Variants in CAMK4 observed in about 807,000 individuals in gnomAD.
CAMK4 encodes the protein calcium/calmodulin dependent protein kinase IV.
CAMK4 carries 22 observed loss-of-function variants against 44.9 expected under a neutral mutation model. That is an observed-to-expected ratio of 0.49 (90% CI 0.35 to 0.70). The LOEUF (loss-of-function observed/expected upper bound fraction) is 0.70. Ranked by LOEUF, CAMK4 falls within the 30% of genes least tolerant of loss-of-function variation. The pLI, the probability that CAMK4 is intolerant of heterozygous loss-of-function variation, is 0.01. For synonymous variants in CAMK4, 218 were observed against 215.4 expected, an observed-to-expected ratio of 1.01 and a Z score of -0.11; for missense variants, 498 against 586.8, an observed-to-expected ratio of 0.85 and a Z score of 1.56.
At position 111,311,094 on chromosome 5, in the gene CAMK4, T is replaced by C. The variant is rs930378025; in HGVS notation, c.162-32930T>C. ...AATCTGGTTGTCATCAACCTTTTTA[T>C]AGTGAGAGCATTACCTGGGTGAAGG... On this transcript the variant is annotated intron_variant, in intron 1 of 10. Transcript: ENST00000282356. Among the ~76,000 whole-genome samples the C allele has an allele frequency of 4.6e-5, 7 of 152,214 alleles. No individual in the cohort carries two copies. The East Asian group carries it at 1.3e-3, about 29-fold the overall frequency.
intron 5 of CAMK4, among the ~76,000 whole-genome samples, chr5:111,430,911 CA>C (rs1248248546): frequency 6.6e-6 from 1 of 151,988 alleles, no homozygotes; most frequent in Non-Finnish European, 1.5e-5. Flanking sequence ...CAATCACTAT[CA>C]AAATACAAAT....
chr5:111,475,517 T>C (rs1243993675), intron 8 of CAMK4, among the ~76,000 whole-genome samples: 3 of 152,250 alleles, frequency 2.0e-5, no homozygotes, highest in Non-Finnish European at 2.9e-5. Context: ...AAGATAGTTC[T>C]AAAAATCTGT....
rs184731961 is a variant in CAMK4, at chr5:111,483,535, C to T, written c.982-491C>T. ...TAGGGTCCTATGCAGCCATTGCTTA[C>T]GGTCTGATACAGACTAAATAAATCT... On this transcript the variant is annotated intron_variant, in intron 10 of 10. Transcript: ENST00000282356. Among the ~76,000 whole-genome samples, 32 of 152,224 alleles carry T rather than the reference C, an allele frequency of 2.1e-4. 2 individuals carry two copies. In the South Asian group the frequency reaches 5.0e-3, roughly 24 times the overall value.
intron 2 of CAMK4, among the ~76,000 whole-genome samples, chr5:111,371,050 A>G (rs916633727): frequency 2.0e-5 from 3 of 152,170 alleles, no homozygotes; most frequent in African/African-American, 4.8e-5. Context: ...GTCATTTGGT[A>G]TAAGTGTTTG....
intron 1 of CAMK4, among the ~76,000 whole-genome samples, chr5:111,282,394 C>A (rs1307889459): frequency 6.6e-6 from 1 of 151,732 alleles, no homozygotes; most frequent in Non-Finnish European, 1.5e-5. Context: ...GTATATATTG[C>A]TCTTGGCCAA....
chr5:111,467,777 T>A (rs1754895655), intron 7 of CAMK4, among the ~76,000 whole-genome samples: 1 of 152,150 alleles, frequency 6.6e-6, no homozygotes, highest in Non-Finnish European at 1.5e-5. Flanking sequence ...GTACAACCAC[T>A]ATGGAAAACA....
At chr5:111,276,570 T>C (rs1362095201) in intron 1 of CAMK4, among the ~76,000 whole-genome samples, 2 of 152,180 alleles carry the variant, frequency 1.3e-5, no homozygotes, top group Admixed American at 1.3e-4. Context: ...TGTAAAAATA[T>C]GTATTTATAT....
chr5:111,484,812 C>T lies in CAMK4; in HGVS notation c.*346C>T, dbSNP rs1755558289. On this transcript the variant is annotated 3_prime_UTR_variant, in exon 11 of 11. Transcript: ENST00000282356. The surrounding 1 kb of genome is among the most constrained non-coding windows in gnomAD (Gnocchi z 5.3). ...TTTGAAAATCTAGCCATCCTACATC[C>T]TTTGGATTTCTTCACAAGGCAGTAA... 1 of 172,762 alleles carries T rather than the reference C, an allele frequency of 5.8e-6. No individual in the cohort carries two copies. The highest frequency in any genetic ancestry group is 6.3e-5 in the Admixed American group (1 of 15,824). The allele number at this position is 172,762 out of a possible 1,614,324, so 10.7% of individuals were successfully genotyped here. A position where few individuals can be genotyped will look rare whatever the true frequency, so the allele number is the denominator to read the frequency against.
intron 4 of CAMK4, among the ~76,000 whole-genome samples, chr5:111,393,192 T>C (rs566262940): frequency 1.6e-4 from 24 of 152,320 alleles, no homozygotes; most frequent in African/African-American, 5.3e-4. Flanking sequence ...GATGTAGGCA[T>C]TGATAATCAA....
chr5:111,345,932 G>A (rs1377640441), intron 2 of CAMK4, among the ~76,000 whole-genome samples: 1 of 151,976 alleles, frequency 6.6e-6, no homozygotes, highest in African/African-American at 2.4e-5. Context: ...CTGTAAGGCA[G>A]ATGTTGTCAA....
At chr5:111,325,671 T>TCCTC (rs571692730) in intron 1 of CAMK4, among the ~76,000 whole-genome samples, 33 of 152,300 alleles carry the variant, frequency 2.2e-4, no homozygotes, top group African/African-American at 7.7e-4. Context: ...GCCACATAAA[T>TCCTC]GTCTTCTTTT....
rs140958825 is a variant in CAMK4, at chr5:111,346,822, A to AAAACAAACAAACAAACAAAC, written c.240+2724_240+2743dup. ...ACTTGAGTCAGCTCACCCAGTGTGC[A>AAAACAAACAAACAAACAAAC]AAACAAACAAACAAACAAACAAAAA... is the stretch of plus-strand genomic sequence containing the variant. On this transcript the variant is annotated intron_variant, in intron 2 of 10. Transcript: ENST00000282356. Among the ~76,000 whole-genome samples the AAAACAAACAAACAAACAAAC allele has an allele frequency of 4.0e-3, 468 of 116,670 alleles. 2 individuals are homozygous for AAAACAAACAAACAAACAAAC. Among genetic ancestry groups the AAAACAAACAAACAAACAAAC allele is most frequent in the East Asian group, 0.023 (90 of 3,832 alleles). The allele number at this position is 116,670 out of a possible 152,430, so 76.5% of individuals were successfully genotyped here. A position where few individuals can be genotyped will look rare whatever the true frequency, so the allele number is the denominator to read the frequency against.
intron 1 of CAMK4, among the ~76,000 whole-genome samples, chr5:111,321,400 T>A (rs1160168894): frequency 6.6e-6 from 1 of 151,606 alleles, no homozygotes; most frequent in Non-Finnish European, 1.5e-5. Context: ...CACATCTGTT[T>A]GCTAAATAAG....
At position 111,484,001 on chromosome 5, in the gene CAMK4, T is replaced by C; in HGVS notation, c.982-25T>C. On this transcript the variant is annotated intron_variant, in intron 10 of 10. Coordinates refer to ENST00000282356, the MANE Select transcript of CAMK4 (RefSeq NM_001744.6). This position sits in a 1 kb window ranked among gnomAD's most constrained non-coding sequence, Gnocchi z 5.3. ...TGGGGTGTTAAAGCAGAGGTAACAC[T>C]TGACACTCTTCTGTTTCCAATCAGG... 1 of 1,527,556 alleles carries C rather than the reference T, an allele frequency of 6.5e-7. No individual in the cohort carries two copies. The highest frequency in any genetic ancestry group is 2.0e-4 in the Middle Eastern group (1 of 4,938). The allele number at this position is 1,527,556 out of a possible 1,614,324, so 94.6% of individuals were successfully genotyped here.
chr5:111,230,691 T>C (rs1037882202), intron 1 of CAMK4, among the ~76,000 whole-genome samples: 2 of 152,122 alleles, frequency 1.3e-5, no homozygotes, highest in African/African-American at 2.4e-5. Flanking sequence ...CACTTTACCC[T>C]CAGACATATA....
At chr5:111,459,722 C>T (rs762811928) in intron 7 of CAMK4, among the ~76,000 whole-genome samples, 56 of 122,014 alleles carry the variant, frequency 4.6e-4, no homozygotes, top group Non-Finnish European at 7.9e-4. Context: ...TGAGACGGAG[C>T]CTCGCTGTGT....
chr5:111,477,186 C>T (rs1286248694), intron 8 of CAMK4, among the ~76,000 whole-genome samples: 1 of 152,118 alleles, frequency 6.6e-6, no homozygotes, highest in Non-Finnish European at 1.5e-5. Flanking sequence ...GCAGACTGCT[C>T]AGTAGGGAAA....
At chr5:111,443,254 A>G (rs1262398163) in intron 5 of CAMK4, among the ~76,000 whole-genome samples, 1 of 36,292 alleles carries the variant, frequency 2.8e-5, no homozygotes, top group African/African-American at 1.2e-4. Context: ...ATATATATAT[A>G]TATATATATA....
rs1441638456 is a variant in CAMK4, at chr5:111,224,425, CT to C, written c.-57del. Reference sequence around the variant, plus strand: ...TTCGCAGGCGGCGGCTGGCGGCCGGCTTCTCGCTCGGGCAGCGGCGGCGGCG... The same window carrying C: ...TTCGCAGGCGGCGGCTGGCGGCCGGCTCTCGCTCGGGCAGCGGCGGCGGCG... On this transcript the variant is annotated 5_prime_UTR_variant, in exon 1 of 11. Transcript: ENST00000282356. The surrounding 1 kb of genome is among the most constrained non-coding windows in gnomAD (Gnocchi z 5.7). 1 of 1,513,112 alleles carries C rather than the reference CT, an allele frequency of 6.6e-7. No homozygotes were observed. The highest frequency in any genetic ancestry group is 1.4e-5 in the African/African-American group (1 of 69,152). The allele number at this position is 1,513,112 out of a possible 1,614,324, so 93.7% of individuals were successfully genotyped here.
Sources: gnomAD v4.1 joint callset for allele counts (sites outside exome capture counted in the v4.1 genomes callset) on GRCh38, gnomAD v4.1.1 for gene constraint, Gnocchi (gnomAD v3.1) non-coding constraint, MANE v1.5 for transcripts, NCBI Gene and HGNC (gene_info 2026-07-23, HGNC 2026-07-21) for gene names.